MANEA: variants seen among roughly 807,000 people sequenced by gnomAD.
MANEA encodes mannosidase endo-alpha.
MANEA carries 25 observed loss-of-function variants against 36.8 expected under a neutral mutation model. The observed-to-expected ratio is 0.68, with a 90% CI of 0.50 to 0.95. The LOEUF is 0.95. Ranked by LOEUF, MANEA falls within the 40% of genes least tolerant of loss-of-function variation. The probability of loss-of-function intolerance (pLI) is 0.00; values close to 1 mark genes in which losing one functional copy is unlikely to be tolerated. For missense variants in MANEA, 565 were observed against 558.8 expected, an observed-to-expected ratio of 1.01 and a Z score of -0.11; for synonymous variants, 198 against 188.5, an observed-to-expected ratio of 1.05 and a Z score of -0.41.
Position 95,586,633 on chromosome 6 carries a change from A to T in MANEA, c.194A>T (p.Asp65Val), listed in dbSNP as rs769309628. The change falls in exon 2 of 5, where the codon GAC (aspartate) becomes GTC (valine). Residue 65 changes from aspartate (D) to valine (V), a missense_variant. By Grantham distance (152) the Asp-to-Val change is radical. Transcript: ENST00000358812. ...AAAAATTTTGATTTCCAAAAGAGTGACAGAATCAACAGTGAAACAAATACC... is the reference window on the plus strand; with the variant it reads ...AAAAATTTTGATTTCCAAAAGAGTGTCAGAATCAACAGTGAAACAAATACC... Reference protein sequence around the residue: ...LGKNFDFQKSDRINSETNTKN... With the variant: ...LGKNFDFQKSVRINSETNTKN... The T allele has an allele frequency of 6.2e-7, 1 of 1,614,070 alleles. No homozygotes were observed. Among genetic ancestry groups the T allele is most frequent in the South Asian group, 1.1e-5 (1 of 91,086 alleles).
chr6:95,595,684 A>G (rs1769468942), intron 2 of MANEA, among the ~76,000 whole-genome samples: 1 of 152,154 alleles, frequency 6.6e-6, no homozygotes, highest in Admixed American at 6.6e-5. Flanking sequence ...CAATCTTTCT[A>G]ATGACTGTCC....
chr6:95,590,416 T>G (rs1769366181), intron 2 of MANEA, among the ~76,000 whole-genome samples: 1 of 152,184 alleles, frequency 6.6e-6, no homozygotes, highest in Admixed American at 6.5e-5. Context: ...CATTGTTGCT[T>G]TAAAAACACT....
At position 95,596,847 on chromosome 6, in the gene MANEA, G is replaced by T; in HGVS notation, c.654+1G>T. Reference sequence around the variant, plus strand: ...TAAAGCTCATAAATATAACCTAAAGGTATTTTATTTTATTTTCAAGCTATA... The same window carrying T: ...TAAAGCTCATAAATATAACCTAAAGTTATTTTATTTTATTTTCAAGCTATA... On this transcript the variant is annotated splice_donor_variant, in intron 3 of 4. Coordinates refer to ENST00000358812, the MANE Select transcript of MANEA (RefSeq NM_024641.4). LOFTEE classifies it high-confidence loss of function. 1.4e-6 allele frequency: 2 copies of T among 1,433,486 alleles called. No individual in the cohort carries two copies. Among genetic ancestry groups the T allele is most frequent in the Non-Finnish European group, 2.0e-6 (2 of 1,018,832 alleles). The allele number at this position is 1,433,486 out of a possible 1,614,324, so 88.8% of individuals were successfully genotyped here.
chr6:95,585,887 G>A (rs1370310008), intron 1 of MANEA, among the ~76,000 whole-genome samples: 1 of 152,058 alleles, frequency 6.6e-6, no homozygotes, highest in Admixed American at 6.6e-5. Context: ...CAGGCCAGGT[G>A]TGTGGTGACT....
In MANEA at chr6:95,607,401, TTTAAG is replaced by T. The variant is rs1445994277; in HGVS notation, c.*1000_*1004del. ...CTGTCATTAGGTTGTCTTTTAATAC[TTTAAG>T]TTATTTTGACGAAAAGTAATAGAGA... On this transcript the variant is annotated 3_prime_UTR_variant, in exon 5 of 5. Coordinates refer to ENST00000358812, the MANE Select transcript of MANEA (RefSeq NM_024641.4). The T allele has an allele frequency of 1.3e-5, 2 of 151,886 alleles. No homozygotes were observed. The highest frequency in any genetic ancestry group is 1.9e-4 in the East Asian group (1 of 5,202). 9.4% of individuals were successfully genotyped at this position (151,886 alleles called of 1,614,324 possible).
chr6:95,594,105 C>T (rs977098971), intron 2 of MANEA, among the ~76,000 whole-genome samples: 7 of 150,678 alleles, frequency 4.6e-5, no homozygotes, highest in African/African-American at 1.5e-4. Flanking sequence ...TGTGTATGTG[C>T]GTGCTAGGAG....
rs141892382 is a variant in MANEA, at chr6:95,581,078, T to C, written c.-39+3440T>C. Among the ~76,000 whole-genome samples the C allele has an allele frequency of 2.3e-3, 347 of 152,344 alleles. 5 individuals carry two copies. In the East Asian group the frequency reaches 0.025, roughly 11 times the overall value. ...CTATGAGTGAAGTAATAACTCATTC[T>C]ATGGGTGAGGAAAGGAACTCAGAAA... On this transcript the variant is annotated intron_variant, in intron 1 of 4. Transcript: ENST00000358812.
intron 2 of MANEA, among the ~76,000 whole-genome samples, chr6:95,589,735 A>ATTTGG (rs1468277043): frequency 6.6e-6 from 1 of 152,260 alleles, no homozygotes; most frequent in East Asian, 1.9e-4. Flanking sequence ...CTAAAACTTT[A>ATTTGG]GTAGACTGGT....
chr6:95,591,072 C>T (rs1357919139), intron 2 of MANEA, among the ~76,000 whole-genome samples: 1 of 152,120 alleles, frequency 6.6e-6, no homozygotes. Context: ...CAAGATTTGG[C>T]CGATGGGTCA....
rs1231559476 is a variant in MANEA at position 95,605,971 on chromosome 6, G to A, written c.955G>A (p.Gly319Arg). 2 of 1,613,860 alleles carry A rather than the reference G, an allele frequency of 1.2e-6. No individual in the cohort carries two copies. The highest frequency in any genetic ancestry group is 1.7e-6 in the Non-Finnish European group (2 of 1,179,930). ...KYDILQSGFDGIYTYFATNGF... is the reference protein window; with the variant it reads ...KYDILQSGFDRIYTYFATNGF... ...TGATATTCTTCAAAGTGGTTTTGAT[G>A]GAATTTACACATATTTTGCCACAAA... Residue 319 changes from glycine to arginine, a missense_variant, in exon 5 of 5, where the codon GGA becomes AGA. By Grantham distance (125) the Gly-to-Arg change is moderately radical. Transcript: ENST00000358812.
chr6:95,592,073 T>G (rs145107063), intron 2 of MANEA, among the ~76,000 whole-genome samples: 81 of 152,324 alleles, frequency 5.3e-4, no homozygotes, highest in African/African-American at 1.9e-3. Context: ...TTGATATTTA[T>G]CTCGCAACTG....
intron 3 of MANEA, among the ~76,000 whole-genome samples, chr6:95,597,460 T>G (rs1349664186): frequency 6.6e-6 from 1 of 151,996 alleles, no homozygotes; most frequent in Non-Finnish European, 1.5e-5. Flanking sequence ...AAAGAAAATT[T>G]TATACTGAAT....
chr6:95,604,061 G>GGTGTGTGTGTGTGTGTGTGTGTGTGT (rs71012509), intron 3 of MANEA, among the ~76,000 whole-genome samples: 45 of 138,384 alleles, frequency 3.3e-4, no homozygotes, highest in East Asian at 6.4e-4. Context: ...TATGTATGTA[G>GGTGTGTGTGTGTGTGTGTGTGTGTGT]GTGTGTGTGT....
rs1265677521 is a variant in MANEA, at chr6:95,593,024, T to C, written c.545-3713T>C. Among the ~76,000 whole-genome samples the C allele has an allele frequency of 2.6e-5, 4 of 152,322 alleles. No homozygotes were observed. In the East Asian group the frequency reaches 5.8e-4, roughly 22 times the overall value. ...ATGACATGAGTTTTTGCATTTAGTT[T>C]GCTAATATTTCAAGAATGGACTTCA... is the stretch of plus-strand genomic sequence containing the variant. On this transcript the variant is annotated intron_variant, in intron 2 of 4. Coordinates refer to ENST00000358812, the MANE Select transcript of MANEA (RefSeq NM_024641.4).
rs1243151496 is a variant in MANEA, at chr6:95,608,617, A to G, written c.*2212A>G. 1 of 151,838 alleles carries G rather than the reference A, an allele frequency of 6.6e-6. No individual in the cohort carries two copies. The highest frequency in any genetic ancestry group is 1.5e-5 in the Non-Finnish European group (1 of 67,768). 9.4% of individuals were successfully genotyped at this position (151,838 alleles called of 1,614,324 possible). A position where few individuals can be genotyped will look rare whatever the true frequency, so the allele number is the denominator to read the frequency against. On this transcript the variant is annotated 3_prime_UTR_variant, in exon 5 of 5. Transcript: ENST00000358812. ...CAATGGAAGAATGGCATCTGATCTC[A>G]TAATTACTAGTTTATATTAATATAG...
At chr6:95,583,068 A>G (rs1397715157) in intron 1 of MANEA, among the ~76,000 whole-genome samples, 2 of 152,150 alleles carry the variant, frequency 1.3e-5, no homozygotes, top group Non-Finnish European at 2.9e-5. Context: ...TTATTTCCCC[A>G]TTTGTAATTA....
chr6:95,579,550 A>G (rs1769142272), intron 1 of MANEA, among the ~76,000 whole-genome samples: 1 of 152,230 alleles, frequency 6.6e-6, no homozygotes, highest in Non-Finnish European at 1.5e-5. Context: ...GTGGCTTCAT[A>G]CAAAATAAAA....
chr6:95,606,071 T>C lies in MANEA; in HGVS notation c.1055T>C (p.Phe352Ser). The change falls in exon 5 of 5, where the codon TTT becomes TCT. Residue 352 changes from phenylalanine to serine, a missense_variant. By Grantham distance (155) the Phe-to-Ser change is radical. Transcript: ENST00000358812. ...TTTTGTGATAAATACAACTTAATATTTATCCCAAGTGTGGGCCCAGGATAC... is the reference window on the plus strand; with the variant it reads ...TTTTGTGATAAATACAACTTAATATCTATCCCAAGTGTGGGCCCAGGATAC... ...KLFCDKYNLI[F>S]IPSVGPGYID... 1 of 1,613,952 alleles carries C rather than the reference T, an allele frequency of 6.2e-7. No homozygotes were observed. The highest frequency in any genetic ancestry group is 8.5e-7 in the Non-Finnish European group (1 of 1,179,898).
chr6:95,584,796 C>A (rs1001515537), intron 1 of MANEA, among the ~76,000 whole-genome samples: 3 of 152,086 alleles, frequency 2.0e-5, no homozygotes, highest in African/African-American at 7.2e-5. Flanking sequence ...CCCCGGTGGC[C>A]CAACTGTAAA....
Sources: allele counts gnomAD v4.1 joint callset (sites outside exome capture counted in the v4.1 genomes callset), GRCh38; gene constraint gnomAD v4.1.1; transcripts MANE v1.5; gene names NCBI Gene and HGNC (gene_info 2026-07-23, HGNC 2026-07-21).